MVB12A: variants seen among roughly 807,000 people sequenced by gnomAD.
The protein encoded by MVB12A is CIN85/CD2AP family binding protein.
A neutral mutation model predicts 34.3 loss-of-function variants in MVB12A; 30 were observed. The ratio of observed to expected loss-of-function variants is 0.88; its 90% CI spans 0.65 to 1.19. The LOEUF is 1.19. MVB12A is among the 50% of genes most tolerant of loss of function. MVB12A has a pLI of 0.00. For synonymous variants in MVB12A, 158 were observed against 158.9 expected (o/e 0.99, Z 0.04); for missense variants, 355 against 369.2 (o/e 0.96, Z 0.31).
intron 2 of MVB12A, among the ~76,000 whole-genome samples, chr19:17,410,407 A>G (rs1407026324): frequency 2.7e-5 from 4 of 147,638 alleles, no homozygotes; most frequent in Non-Finnish European, 5.9e-5. Flanking sequence ...CTAGGCTCCA[A>G]AGATCCTCCT....
rs1432383953 is a variant in MVB12A, at chr19:17,420,163, G to A, written c.28G>A (p.Ala10Thr). The A allele has an allele frequency of 6.5e-6, 9 of 1,392,978 alleles. No homozygotes were observed. In the Admixed American group the frequency reaches 3.2e-4, roughly 50 times the overall value. The allele number at this position is 1,392,978 out of a possible 1,614,324, so 86.3% of individuals were successfully genotyped here. The change falls in exon 1 of 9, where the codon GCG (alanine) becomes ACG (threonine). Residue 10 changes from alanine (A) to threonine (T), a missense_variant. Physicochemically the swap from Ala to Thr is moderately conservative, Grantham distance 58. Coordinates refer to ENST00000317040, the MANE Select transcript of MVB12A (RefSeq NM_138401.4). MDPVPGTDS[A>T]PLAGLAWSSA... ...GGATCCCGTACCCGGGACAGACTCG[G>A]CGCCGCTGGCTGGCCTGGCCTGGTC...
intron 2 of MVB12A, among the ~76,000 whole-genome samples, chr19:17,409,205 A>T (rs1192449431): frequency 1.3e-5 from 2 of 149,734 alleles, no homozygotes; most frequent in African/African-American, 4.9e-5. Context: ...ATCTCGGCTC[A>T]CTGCAACCTC....
intron 3 of MVB12A, 169 bp downstream of exon 3, chr19:17,420,803 CCT>C (rs1423772799): frequency 1.6e-6 from 1 of 641,884 alleles, no homozygotes; most frequent in African/African-American, 1.8e-5. Context: ...ACCGACATCC[CCT>C]GTCCTGATTC....
intron 2 of MVB12A, among the ~76,000 whole-genome samples, chr19:17,408,788 T>G (rs1270911695): frequency 6.7e-6 from 1 of 149,786 alleles, no homozygotes; most frequent in East Asian, 2.0e-4. Flanking sequence ...TGTATTTTTA[T>G]ATATTGGTTG....
At chr19:17,415,883 A>G (rs2074796965), upstream of MVB12A, 2 of 152,348 alleles carry the variant, frequency 1.3e-5, no homozygotes, top group Admixed American at 6.5e-5. Flanking sequence ...AAAACAAAAC[A>G]AAAGAACCCT....
At chr19:17,409,969 G>A (rs2074754005) in intron 2 of MVB12A, among the ~76,000 whole-genome samples, 1 of 151,242 alleles carries the variant, frequency 6.6e-6, no homozygotes, top group African/African-American at 2.4e-5. Flanking sequence ...ATGTTACCCA[G>A]GCTGGTCTCG....
chr19:17,418,868 CTCTT>C (rs2074818187), upstream of MVB12A: 2 of 102,260 alleles, frequency 2.0e-5, no homozygotes, highest in Admixed American at 1.3e-4. Context: ...TGGGAAAGTT[CTCTT>C]TCTTATTGTA....
At position 17,425,058 on chromosome 19, in the gene MVB12A, CCTCACTGCATCCTGGGGCCACCCCCA is replaced by C. The variant is rs201974585; in HGVS notation, c.*82_*107del. On this transcript the variant is annotated 3_prime_UTR_variant, in exon 9 of 9. Transcript: ENST00000317040. ...TCCCCGCCAGCCTGGGGCCACCCCCCCTCACTGCATCCTGGGGCCACCCCCACTCACTGCATCCTGGGAACCTTCGC... is the reference window on the plus strand; with the variant it reads ...TCCCCGCCAGCCTGGGGCCACCCCCCCTCACTGCATCCTGGGAACCTTCGC... The C allele has an allele frequency of 0.16, 128,814 of 807,062 alleles. 12,807 individuals carry two copies. Among genetic ancestry groups the C allele is most frequent in the African/African-American group, 0.27 (15,665 of 57,312 alleles). The allele number at this position is 807,062 out of a possible 1,614,324, so 50.0% of individuals were successfully genotyped here. A position where few individuals can be genotyped will look rare whatever the true frequency, so the allele number is the denominator to read the frequency against.
At chr19:17,418,887 C>CGAAAAAAAAA (rs2074818429), upstream of MVB12A, 1 of 82,144 alleles carries the variant, frequency 1.2e-5, no homozygotes, top group African/African-American at 4.7e-5. Flanking sequence ...ATTGTAAGTC[C>CGAAAAAAAAA]AAAAAAAAAA....
At chr19:17,417,967 G>C (rs1296576334), upstream of MVB12A, 3 of 200,762 alleles carry the variant, frequency 1.5e-5, no homozygotes, top group East Asian at 3.7e-4. Flanking sequence ...CACGATCTCC[G>C]CTCACTGCAA....
At chr19:17,421,595 T>C (rs2074839139) in intron 3 of MVB12A, among the ~76,000 whole-genome samples, 1 of 152,178 alleles carries the variant, frequency 6.6e-6, no homozygotes, top group Non-Finnish European at 1.5e-5. Flanking sequence ...TATTCAATTT[T>C]TTTACAATTC....
chr19:17,422,472 C>T lies in MVB12A; in HGVS notation c.413+14C>T. 6.3e-7 allele frequency: 1 copy of T among 1,599,032 alleles called. No individual in the cohort carries two copies. Among genetic ancestry groups the T allele is most frequent in the Non-Finnish European group, 8.5e-7 (1 of 1,170,912 alleles). Reference sequence around the variant, plus strand: ...CCTTCGAATAGGGTAGGGCCACCCCCCAGTGTCTAGCCACCTTCCCTGCCC... The same window carrying T: ...CCTTCGAATAGGGTAGGGCCACCCCTCAGTGTCTAGCCACCTTCCCTGCCC... On this transcript the variant is annotated intron_variant, in intron 4 of 8. Coordinates refer to ENST00000317040, the MANE Select transcript of MVB12A (RefSeq NM_138401.4).
chr19:17,417,983 T>A (rs966348523), upstream of MVB12A: 3 of 185,046 alleles, frequency 1.6e-5, no homozygotes, highest in Non-Finnish European at 3.5e-5. Context: ...TGCAACTTTC[T>A]CCTCCCAGGT....
Position 17,420,302 on chromosome 19 carries a change from C to T in MVB12A, c.91-11C>T. On this transcript the variant is annotated splice_polypyrimidine_tract_variant and intron_variant, in intron 1 of 8. Transcript: ENST00000317040. ...GTGGGAGTCCGGCGCTGACCCGCGT[C>T]CTCCCGGTAGATCTCCTGCACCGTC... is the stretch of plus-strand genomic sequence containing the variant. 6.3e-7 allele frequency: 1 copy of T among 1,583,164 alleles called. No homozygotes were observed. Among genetic ancestry groups the T allele is most frequent in the Non-Finnish European group, 8.6e-7 (1 of 1,164,000 alleles).
chr19:17,411,917 C>A (rs1021139371), intron 2 of MVB12A, among the ~76,000 whole-genome samples: 1 of 152,226 alleles, frequency 6.6e-6, no homozygotes, highest in South Asian at 2.1e-4. Context: ...CCCGGATGGG[C>A]TTCTGAGGAC....
intron 4 of MVB12A, among the ~76,000 whole-genome samples, chr19:17,423,188 AC>A (rs1204831163): frequency 7.2e-6 from 1 of 138,310 alleles, no homozygotes; most frequent in African/African-American, 2.8e-5. Flanking sequence ...CTCCGTTTCT[AC>A]TTAAAAAAAA....
At chr19:17,411,595 C>T (rs969755420) in intron 2 of MVB12A, among the ~76,000 whole-genome samples, 4 of 151,838 alleles carry the variant, frequency 2.6e-5, no homozygotes, top group East Asian at 1.9e-4. Context: ...TGGGCTCAAG[C>T]GATCCTCCTG....
At chr19:17,424,861 C>A in intron 8 of MVB12A, 70 bp from the exon 9 acceptor site, 1 of 1,267,380 alleles carries the variant, frequency 7.9e-7, no homozygotes, top group Non-Finnish European at 1.1e-6. Context: ...TCTGCCATTC[C>A]TCAGTCACTC....
chr19:17,409,441 CTTTTTTTT>C (rs781196057), intron 2 of MVB12A, among the ~76,000 whole-genome samples: 31 of 78,226 alleles, frequency 4.0e-4, no homozygotes, highest in African/African-American at 1.4e-3. Context: ...TCTGCCATTA[CTTTTTTTT>C]TTTTTTTTTT....
Sources: allele counts gnomAD v4.1 joint callset (sites outside exome capture counted in the v4.1 genomes callset), GRCh38; gene constraint gnomAD v4.1.1; transcripts MANE v1.5; gene names NCBI Gene and HGNC (gene_info 2026-07-23, HGNC 2026-07-21).